Variants in WLS observed in about 807,000 individuals in gnomAD.
WLS encodes the protein protein wntless homolog.
A neutral mutation model predicts 62.8 loss-of-function variants in WLS; 23 were observed. The observed-to-expected ratio is 0.37, with a 90% confidence interval of 0.26 to 0.52. The LOEUF is 0.52. Among genes scored for constraint, WLS ranks in the 20% least tolerant of loss-of-function variants. The probability of loss-of-function intolerance (pLI) is 0.92; values close to 1 mark genes in which losing one functional copy is unlikely to be tolerated. For missense variants in WLS, 615 were observed against 697.3 expected (o/e 0.88, Z 1.33); for synonymous variants, 246 against 244.1 (o/e 1.01, Z -0.07).
downstream of WLS, among the ~76,000 whole-genome samples, chr1:68,122,024 C>A (rs1202007627): frequency 6.6e-6 from 1 of 152,164 alleles, no homozygotes; most frequent in African/African-American, 2.4e-5. Context: ...AGGAAGTCTA[C>A]GATGATGGAG....
At chr1:68,131,144 CT>C (rs760765608) in intron 11 of WLS, among the ~76,000 whole-genome samples, 45 of 150,526 alleles carry the variant, frequency 3.0e-4, no homozygotes, top group Non-Finnish European at 5.0e-4. Flanking sequence ...ATCTCCTGAC[CT>C]TGTGATCCAC....
Position 68,153,561 on chromosome 1 carries a change from C to T in WLS, c.759G>A (p.Trp253Ter). 1.2e-6 allele frequency: 2 copies of T among 1,614,148 alleles called. No individual in the cohort carries two copies. The highest frequency in any genetic ancestry group is 1.7e-6 in the Non-Finnish European group (2 of 1,180,024). ...GTCGGGACATCATGGTGATCCTCCT[C>T]CAATACCACACCATAATGATGAAGA... ...PSIFIIMVWYWRRITMMSRPP... is the reference protein window; with the variant it reads ...PSIFIIMVWY Residue 253 changes from tryptophan (W) to a stop codon, truncating the protein, a stop_gained, in exon 5 of 12, where the codon TGG (tryptophan) becomes TGA (stop). Transcript: ENST00000262348. LOFTEE classifies it high-confidence loss of function.
chr1:68,107,708 G>A (rs1481306355), intron 11 of WLS, among the ~76,000 whole-genome samples: 1 of 152,122 alleles, frequency 6.6e-6, no homozygotes, highest in East Asian at 1.9e-4. Context: ...GTGCTTTATT[G>A]CATTTGATCC....
chr1:68,165,085 G>T (rs1395463508), intron 2 of WLS, among the ~76,000 whole-genome samples: 2 of 152,198 alleles, frequency 1.3e-5, no homozygotes, highest in Non-Finnish European at 2.9e-5. Flanking sequence ...AACGCTGGGA[G>T]TAGGAATTGG....
chr1:68,104,658 C>G (rs1646121633), intron 11 of WLS, among the ~76,000 whole-genome samples: 1 of 152,112 alleles, frequency 6.6e-6, no homozygotes, highest in Non-Finnish European at 1.5e-5. Flanking sequence ...ACCTATAATC[C>G]CAGCACTTTG....
chr1:68,102,486 C>T (rs915417411), intron 11 of WLS, among the ~76,000 whole-genome samples: 1 of 152,158 alleles, frequency 6.6e-6, no homozygotes, highest in African/African-American at 2.4e-5. Context: ...CATGTTTCTG[C>T]ACCACAGACT....
chr1:68,232,469 G>A lies in WLS; in HGVS notation c.-170C>T, dbSNP rs1650475927. 7.5e-6 allele frequency: 10 copies of A among 1,335,882 alleles called. No individual in the cohort carries two copies. Among genetic ancestry groups the A allele is most frequent in the African/African-American group, 1.5e-5 (1 of 66,454 alleles). The allele number at this position is 1,335,882 out of a possible 1,614,324, so 82.8% of individuals were successfully genotyped here. On this transcript the variant is annotated 5_prime_UTR_variant, in exon 1 of 12. Coordinates refer to ENST00000262348, the MANE Select transcript of WLS (RefSeq NM_024911.7). ...GGACCGGGACGGAAGGCGCCCGCACGGATTCCCCCGGCGCAGCCGGCTCGG... is the reference window on the plus strand; with the variant it reads ...GGACCGGGACGGAAGGCGCCCGCACAGATTCCCCCGGCGCAGCCGGCTCGG...
chr1:68,227,816 CATT>C (rs1650228268), intron 1 of WLS, among the ~76,000 whole-genome samples: 3 of 152,268 alleles, frequency 2.0e-5, no homozygotes, highest in Admixed American at 6.5e-5. Flanking sequence ...ACTATTGCAT[CATT>C]AAGATATATT....
chr1:68,125,276 T>C (rs74081379), downstream of WLS: 741 of 946,266 alleles, frequency 7.8e-4, 3 homozygotes, highest in African/African-American at 0.012. Context: ...GATGATAAAG[T>C]ATATCAGTTT....
intron 2 of WLS, among the ~76,000 whole-genome samples, chr1:68,190,305 T>C (rs900960424): frequency 2.0e-5 from 3 of 152,230 alleles, no homozygotes; most frequent in Non-Finnish European, 2.9e-5. Flanking sequence ...TGTGACTCCA[T>C]TGAAAAGTAT....
chr1:68,164,738 A>G (rs186036952), intron 2 of WLS, among the ~76,000 whole-genome samples: 1 of 152,274 alleles, frequency 6.6e-6, no homozygotes, highest in African/African-American at 2.4e-5. Flanking sequence ...GGCACTGACA[A>G]TGGGGTGACT....
chr1:68,178,152 T>G (rs1421947602), intron 2 of WLS, among the ~76,000 whole-genome samples: 2 of 152,220 alleles, frequency 1.3e-5, no homozygotes, highest in African/African-American at 4.8e-5. Flanking sequence ...GATCACAGAT[T>G]CCAACGCCTT....
chr1:68,163,025 G>A (rs1570926772), intron 2 of WLS: 1 of 1,591,484 alleles, frequency 6.3e-7, no homozygotes, highest in East Asian at 2.2e-5. Flanking sequence ...TGATCTGGGG[G>A]CGGATACCTT....
At chr1:68,169,054 A>T (rs1327748029) in intron 2 of WLS, among the ~76,000 whole-genome samples, 1 of 152,220 alleles carries the variant, frequency 6.6e-6, no homozygotes, top group Non-Finnish European at 1.5e-5. Context: ...TTTAGTTCAC[A>T]TTGCTTCTCG....
At chr1:68,178,159 C>T (rs1647340317) in intron 2 of WLS, among the ~76,000 whole-genome samples, 1 of 152,206 alleles carries the variant, frequency 6.6e-6, no homozygotes, top group Admixed American at 6.5e-5. Context: ...GATTCCAACG[C>T]CTTTAAAACT....
intron 6 of WLS, 140 bp downstream of exon 6, chr1:68,150,048 G>A (rs1646805195): frequency 1.2e-6 from 1 of 828,820 alleles, no homozygotes; most frequent in Non-Finnish European, 1.9e-6. Context: ...CAGAGGGTCT[G>A]CCTCCAGAGT....
intron 1 of WLS, among the ~76,000 whole-genome samples, chr1:68,197,185 C>T (rs1648713019): frequency 6.6e-6 from 1 of 152,038 alleles, no homozygotes; most frequent in South Asian, 2.1e-4. Flanking sequence ...AACCACATTC[C>T]AAACTTAATA....
intron 10 of WLS, 158 bp from the exon 11 acceptor site, chr1:68,138,091 C>T (rs747155608): frequency 6.6e-5 from 57 of 869,400 alleles, no homozygotes; most frequent in Admixed American, 1.5e-4. Context: ...TGAATCATTT[C>T]GGTGTAAATT....
chr1:68,126,363 C>T (rs1646431336), intron 11 of WLS, 28 bp from the exon 12 acceptor site: 9 of 1,613,228 alleles, frequency 5.6e-6, no homozygotes, highest in Middle Eastern at 3.3e-4. Flanking sequence ...GTGTTAGATG[C>T]ATTCAAGGAG....
Sources: allele counts gnomAD v4.1 joint callset (sites outside exome capture counted in the v4.1 genomes callset), GRCh38; gene constraint gnomAD v4.1.1; transcripts MANE v1.5; gene names NCBI Gene and HGNC (gene_info 2026-07-23, HGNC 2026-07-21).